MYOM1: variants seen among roughly 807,000 people sequenced by gnomAD.
MYOM1 encodes myomesin-1.
Under a neutral mutation model 205.3 loss-of-function variants are expected in MYOM1, and 164 were observed. The ratio of observed to expected loss-of-function variants is 0.80; its 90% CI spans 0.70 to 0.91. The LOEUF is 0.91. Among genes scored for constraint, MYOM1 ranks in the 40% least tolerant of loss-of-function variants. The probability of loss-of-function intolerance (pLI) is 0.00; values close to 1 mark genes in which losing one functional copy is unlikely to be tolerated. For missense variants in MYOM1, 2,011 were observed against 2,127.3 expected, an observed-to-expected ratio of 0.95 and a Z score of 1.08; for synonymous variants, 772 against 789.4, an observed-to-expected ratio of 0.98 and a Z score of 0.37.
At chr18:3,199,241 G>A (rs1368741825) in intron 2 of MYOM1, among the ~76,000 whole-genome samples, 1 of 152,200 alleles carries the variant, frequency 6.6e-6, no homozygotes, top group Non-Finnish European at 1.5e-5. Context: ...CAGCAGCACT[G>A]TGAATAACAG....
the MYOM1 span, among the ~76,000 whole-genome samples, chr18:3,235,872 T>C: frequency 6.3e-4 from 96 of 152,332 alleles, no homozygotes; most frequent in Middle Eastern, 0.01. Flanking sequence ...TTCTTGAAGA[T>C]GCGAAAGAGT....
chr18:3,145,886 G>A (rs1464045613), intron 13 of MYOM1, among the ~76,000 whole-genome samples: 1 of 151,998 alleles, frequency 6.6e-6, no homozygotes, highest in Non-Finnish European at 1.5e-5. Context: ...TTCTAGTCAG[G>A]TCAGGACAAA....
intron 18 of MYOM1, 33 bp downstream of exon 18, chr18:3,129,199 C>T (rs758782936): frequency 7.5e-6 from 12 of 1,596,678 alleles, no homozygotes; most frequent in African/African-American, 1.3e-5. Context: ...GTGATGGAGA[C>T]GGATGGAACA....
At chr18:3,240,825 G>C in the MYOM1 span, among the ~76,000 whole-genome samples, 1 of 152,194 alleles carries the variant, frequency 6.6e-6, no homozygotes, top group Non-Finnish European at 1.5e-5. Context: ...GATACTGATA[G>C]TGACAATGAA....
intron 36 of MYOM1, among the ~76,000 whole-genome samples, chr18:3,073,634 T>G (rs1261440778): frequency 6.6e-6 from 1 of 152,214 alleles, no homozygotes; most frequent in Non-Finnish European, 1.5e-5. Context: ...AGGGTTGCAT[T>G]AGACCTGGGG....
In MYOM1 at chr18:3,135,103, C is replaced by G; in HGVS notation, c.2210-279G>C. The G allele has an allele frequency of 5.4e-6, 2 of 371,194 alleles. No homozygotes were observed. Among genetic ancestry groups the G allele is most frequent in the Non-Finnish European group, 1.0e-5 (2 of 198,784 alleles). The allele number at this position is 371,194 out of a possible 1,614,324, so 23.0% of individuals were successfully genotyped here. ...AGCTGGAATTACCAGGCATGTGCCA[C>G]AACGCCTGGCTAATTTTTGTGTTTT... On this transcript the variant is annotated intron_variant, in intron 15 of 37. Coordinates refer to ENST00000356443, the MANE Select transcript of MYOM1 (RefSeq NM_003803.4). This position sits in a 1 kb window ranked among gnomAD's most constrained non-coding sequence, Gnocchi z 4.1.
chr18:3,244,951 A>T, the MYOM1 span, among the ~76,000 whole-genome samples: 447 of 151,484 alleles, frequency 3.0e-3, 2 homozygotes, highest in African/African-American at 9.9e-3. Flanking sequence ...AAAAAAATTT[A>T]AAAAGGAAAA....
At chr18:3,165,063 T>TA in intron 9 of MYOM1, among the ~76,000 whole-genome samples, 1 of 152,170 alleles carries the variant, frequency 6.6e-6, no homozygotes, top group Non-Finnish European at 1.5e-5. Flanking sequence ...CTGGAGCTGT[T>TA]AAAAAAGTTA....
intron 1 of MYOM1, among the ~76,000 whole-genome samples, chr18:3,215,820 A>G (rs906843359): frequency 4.0e-5 from 6 of 151,596 alleles, no homozygotes; most frequent in African/African-American, 1.5e-4. Flanking sequence ...CTTTCCTCAG[A>G]CTCTTCATAA....
chr18:3,153,604 C>T (rs1386356661), intron 11 of MYOM1, among the ~76,000 whole-genome samples: 1 of 152,162 alleles, frequency 6.6e-6, no homozygotes, highest in Admixed American at 6.5e-5. Flanking sequence ...ATATCTAAAC[C>T]TTCACAATTC....
intron 4 of MYOM1, among the ~76,000 whole-genome samples, chr18:3,188,285 T>C (rs1332825228): frequency 2.6e-5 from 4 of 152,206 alleles, no homozygotes; most frequent in Non-Finnish European, 5.9e-5. Flanking sequence ...CCTTGTTTTC[T>C]TACGTTTTGT....
intron 10 of MYOM1, among the ~76,000 whole-genome samples, chr18:3,158,739 A>T (rs993789409): frequency 6.6e-6 from 1 of 151,880 alleles, no homozygotes. Flanking sequence ...TCAGCCTCCC[A>T]AGTAGCTAGG....
intron 5 of MYOM1, among the ~76,000 whole-genome samples, chr18:3,186,897 AGAAG>A (rs2080824583): frequency 6.6e-6 from 1 of 151,622 alleles, no homozygotes; most frequent in Non-Finnish European, 1.5e-5. Context: ...AGAAAGAGAA[AGAAG>A]GAAGGAAAGA....
intron 29 of MYOM1, among the ~76,000 whole-genome samples, chr18:3,086,654 C>A (rs2079157939): frequency 6.9e-6 from 1 of 145,120 alleles, no homozygotes; most frequent in Non-Finnish European, 1.5e-5. Flanking sequence ...AATTACTTAG[C>A]AATTTCGAGG....
Position 3,076,232 on chromosome 18 carries a change from T to A in MYOM1, c.4649-471A>T, listed in dbSNP as rs1045862260. On this transcript the variant is annotated intron_variant, in intron 34 of 37. Coordinates refer to ENST00000356443, the MANE Select transcript of MYOM1 (RefSeq NM_003803.4). The stretch of plus-strand genomic sequence containing the variant: ...AGTAGCATGCGCCATCACACCCAGT[T>A]AATTTTTGTGTTTTTAGTAGATACG... Among the ~76,000 whole-genome samples, 17 of 151,972 alleles carry A rather than the reference T, an allele frequency of 1.1e-4. 1 individual carries two copies. The highest frequency in any genetic ancestry group is 7.9e-4 in the Admixed American group (12 of 15,262).
chr18:3,193,880 T>C lies in MYOM1; in HGVS notation c.369A>G (p.Leu123=). Residue 123 remains leucine (L), a synonymous_variant, in exon 3 of 38, where the codon CTA becomes CTG. Coordinates refer to ENST00000356443, the MANE Select transcript of MYOM1 (RefSeq NM_003803.4). ...AATTTTCTTTCTCTTCTCCAGACAG[T>C]AGGCTGTGCTTGGCTCTCTTTGGTT... is the stretch of plus-strand genomic sequence containing the variant. ...SPKPKRAKHS[L]LSGEEKENLP... 2.5e-6 allele frequency: 4 copies of C among 1,613,948 alleles called. No homozygotes were observed. Among genetic ancestry groups the C allele is most frequent in the Non-Finnish European group, 3.4e-6 (4 of 1,179,848 alleles).
intron 26 of MYOM1, among the ~76,000 whole-genome samples, chr18:3,093,385 T>C (rs1317667999): frequency 1.3e-5 from 2 of 152,078 alleles, no homozygotes; most frequent in African/African-American, 4.8e-5. Flanking sequence ...GGAGGACAAA[T>C]AAAACTTAGA....
chr18:3,224,056 G>C (rs1445134128), upstream of MYOM1, among the ~76,000 whole-genome samples: 1 of 149,176 alleles, frequency 6.7e-6, no homozygotes, highest in African/African-American at 2.5e-5. Context: ...TGAGACACAG[G>C]CTCACTGTGT....
chr18:3,081,696 T>C (rs1237603950), intron 33 of MYOM1, among the ~76,000 whole-genome samples: 2 of 152,218 alleles, frequency 1.3e-5, no homozygotes, highest in African/African-American at 2.4e-5. Context: ...ATTTGATCTA[T>C]TTTAGCTAAT....
Sources: allele counts gnomAD v4.1 joint callset (sites outside exome capture counted in the v4.1 genomes callset), GRCh38; gene constraint gnomAD v4.1.1; non-coding constraint Gnocchi (gnomAD v3.1); transcripts MANE v1.5; gene names NCBI Gene and HGNC (gene_info 2026-07-23, HGNC 2026-07-21).